Variants in ATRNL1 observed in about 807,000 individuals in gnomAD.
ATRNL1 encodes the protein attractin-like protein 1.
ATRNL1 carries 95 observed loss-of-function variants against 182.7 expected under a neutral mutation model. The observed-to-expected ratio is 0.52, with a 90% CI of 0.44 to 0.62. The LOEUF is 0.62. Among genes scored for constraint, ATRNL1 ranks in the 20% least tolerant of loss-of-function variants. The pLI is 0.00. For missense variants in ATRNL1, 1,471 were observed against 1,679.5 expected, an observed-to-expected ratio of 0.88 and a Z score of 2.17; for synonymous variants, 576 against 568.3, an observed-to-expected ratio of 1.01 and a Z score of -0.19.
chr10:115,160,231 A>C lies in ATRNL1; in HGVS notation c.1004+17A>C. ...GGTCCTAAAGTAAGTATTTATTTTC[A>C]GATTCTTGCTGTTTTTTAAGCTGGA... On this transcript the variant is annotated intron_variant, in intron 6 of 28. Transcript: ENST00000355044. The C allele has an allele frequency of 6.4e-7, 1 of 1,572,678 alleles. No individual in the cohort carries two copies. The highest frequency in any genetic ancestry group is 8.7e-7 in the Non-Finnish European group (1 of 1,155,334).
intron 28 of ATRNL1, among the ~76,000 whole-genome samples, chr10:115,873,713 G>C (rs1184303076): frequency 1.3e-5 from 2 of 152,134 alleles, no homozygotes; most frequent in Non-Finnish European, 2.9e-5. Context: ...TTAGCATTTT[G>C]ATTTTCAGTC....
At chr10:115,589,304 C>T (rs2804197) in intron 26 of ATRNL1, among the ~76,000 whole-genome samples, 72,393 of 151,904 alleles carry the variant, frequency 0.48, 18,710 homozygotes, top group East Asian at 0.84. Context: ...AAATGATCTA[C>T]TTAAAATTAA....
intron 28 of ATRNL1, among the ~76,000 whole-genome samples, chr10:115,932,358 T>G (rs1589711835): frequency 6.6e-6 from 1 of 152,226 alleles, no homozygotes; most frequent in South Asian, 2.1e-4. Flanking sequence ...CCAACTCTAC[T>G]GCTTTTTCCT....
Position 115,165,581 on chromosome 10 carries a change from G to T in ATRNL1, c.1028G>T (p.Trp343Leu). The change falls in exon 7 of 29, where the codon TGG becomes TTG. Residue 343 changes from tryptophan to leucine, a missense_variant. Physicochemically the swap from Trp to Leu is moderately conservative, Grantham distance 61 (BLOSUM62 -2). Around this residue, in one of 3 missense-constraint regions of ATRNL1, gnomAD observed 1,031 missense variants for 1,156.0 expected, o/e 0.89. Transcript: ENST00000355044. ...VLNYNLESSI[W>L]NVGTPSRGPL... is the part of the protein sequence containing the mutation. ...AGTTACAATTTAGAAAGCAGTATAT[G>T]GAATGTAGGAACTCCATCAAGGGGA... 1 of 1,530,820 alleles carries T rather than the reference G, an allele frequency of 6.5e-7. No homozygotes were observed. The highest frequency in any genetic ancestry group is 8.9e-7 in the Non-Finnish European group (1 of 1,127,622). 94.8% of individuals were successfully genotyped at this position (1,530,820 alleles called of 1,614,324 possible).
At chr10:115,807,608 A>G (rs782373194) in intron 27 of ATRNL1, among the ~76,000 whole-genome samples, 1 of 152,236 alleles carries the variant, frequency 6.6e-6, no homozygotes, top group Non-Finnish European at 1.5e-5. Flanking sequence ...CACCTCAACC[A>G]CATTGAAAGG....
chr10:115,166,451 A>G (rs1487310682), intron 7 of ATRNL1, among the ~76,000 whole-genome samples: 2 of 150,166 alleles, frequency 1.3e-5, no homozygotes, highest in Non-Finnish European at 3.0e-5. Flanking sequence ...TGGTAATTCT[A>G]TGTTTAATTT....
At chr10:115,637,471 G>T (rs568432016) in intron 26 of ATRNL1, among the ~76,000 whole-genome samples, 3 of 151,454 alleles carry the variant, frequency 2.0e-5, no homozygotes, top group Non-Finnish European at 4.4e-5. Context: ...ATAGAGTAAA[G>T]ACCTAAAGAA....
chr10:115,281,602 C>T (rs1254901488), intron 14 of ATRNL1, 115 bp downstream of exon 14: 3 of 1,054,634 alleles, frequency 2.8e-6, no homozygotes, highest in Non-Finnish European at 4.1e-6. Flanking sequence ...TAGTAAATAT[C>T]AACCTATAAT....
At chr10:115,500,920 CTTTTTTTTTTTT>C (rs71010023) in intron 24 of ATRNL1, among the ~76,000 whole-genome samples, 2 of 54,464 alleles carry the variant, frequency 3.7e-5, no homozygotes, top group Admixed American at 2.7e-4. Flanking sequence ...TCAGGTAAGA[CTTTTTTTTTTTT>C]TTTTTTTTTT....
At chr10:115,611,491 A>G (rs1207095463) in intron 26 of ATRNL1, among the ~76,000 whole-genome samples, 2 of 152,176 alleles carry the variant, frequency 1.3e-5, no homozygotes, top group East Asian at 3.9e-4. Flanking sequence ...TAGGTTTAGC[A>G]TAAGTATTAA....
Position 115,300,909 on chromosome 10 carries a change from C to A in ATRNL1, c.2629+662C>A, listed in dbSNP as rs139809529. Among the ~76,000 whole-genome samples the A allele has an allele frequency of 1.8e-3, 275 of 152,248 alleles. 2 individuals are homozygous for A. Among genetic ancestry groups the A allele is most frequent in the East Asian group, 1.7e-3 (9 of 5,190 alleles). The stretch of plus-strand genomic sequence containing the variant: ...ACTCTCCATTTCCTCCACCCCACCC[C>A]CTACAGTCCCTAGCAACTACTGTTC... On this transcript the variant is annotated intron_variant, in intron 16 of 28. Transcript: ENST00000355044.
At chr10:115,162,189 A>G (rs1846821454) in intron 6 of ATRNL1, among the ~76,000 whole-genome samples, 2 of 152,052 alleles carry the variant, frequency 1.3e-5, no homozygotes, top group Non-Finnish European at 2.9e-5. Flanking sequence ...ATAGACATGA[A>G]CATATATACA....
intron 19 of ATRNL1, among the ~76,000 whole-genome samples, chr10:115,383,308 G>A (rs1021607835): frequency 1.3e-5 from 1 of 74,652 alleles, no homozygotes; most frequent in African/African-American, 5.2e-5. Flanking sequence ...TGGTAGTGAT[G>A]TCTCCCTTTC....
rs531616177 is a variant in ATRNL1 at position 115,113,108 on chromosome 10, C to T, written c.294-7077C>T. Among the ~76,000 whole-genome samples, 3 of 152,244 alleles carry T rather than the reference C, an allele frequency of 2.0e-5. No individual in the cohort carries two copies. The East Asian group carries it at 5.8e-4, about 29-fold the overall frequency. ...GGAGGTAGAAGGGGTTCAATCAAAG[C>T]AAAAGTGGACTGGTCAAGAGCGAAG... On this transcript the variant is annotated intron_variant, in intron 1 of 28. Transcript: ENST00000355044.
chr10:115,431,243 TA>T (rs1554963873), intron 21 of ATRNL1, among the ~76,000 whole-genome samples: 2 of 151,898 alleles, frequency 1.3e-5, no homozygotes, highest in Admixed American at 1.3e-4. Context: ...CCGTCTCTAC[TA>T]AAAATACAAA....
chr10:115,796,621 G>A (rs1439904040), intron 27 of ATRNL1, among the ~76,000 whole-genome samples: 1 of 152,158 alleles, frequency 6.6e-6, no homozygotes, highest in African/African-American at 2.4e-5. Context: ...TCATTCAAGT[G>A]GAAAGCTGAG....
chr10:115,311,395 G>T (rs1005970620), intron 17 of ATRNL1, among the ~76,000 whole-genome samples: 18 of 151,984 alleles, frequency 1.2e-4, no homozygotes, highest in African/African-American at 3.6e-4. Context: ...CACCATGTTG[G>T]TCAGGCTGGT....
chr10:115,182,441 G>T (rs1456410162), intron 8 of ATRNL1, among the ~76,000 whole-genome samples: 10 of 151,376 alleles, frequency 6.6e-5, no homozygotes, highest in Admixed American at 6.6e-4. Flanking sequence ...AAAAAACTCA[G>T]AAATATGCAT....
chr10:115,781,239 C>T (rs1555079245), intron 27 of ATRNL1, among the ~76,000 whole-genome samples: 1 of 152,192 alleles, frequency 6.6e-6, no homozygotes, highest in East Asian at 1.9e-4. Flanking sequence ...CCATAAATCT[C>T]ACACATTACT....
Sources: allele counts gnomAD v4.1 joint callset (sites outside exome capture counted in the v4.1 genomes callset), GRCh38; gene constraint gnomAD v4.1.1; regional missense constraint gnomAD v4.1.1; transcripts MANE v1.5; gene names NCBI Gene and HGNC (gene_info 2026-07-23, HGNC 2026-07-21).